Variants in MAOB observed in about 807,000 individuals in gnomAD.
MAOB encodes amine oxidase [flavin-containing] B.
Under a neutral mutation model 41.9 loss-of-function variants are expected in MAOB, and 15 were observed. The observed-to-expected ratio is 0.36, with a 90% CI of 0.24 to 0.55. The LOEUF (loss-of-function observed/expected upper bound fraction) is 0.55, where lower values mean the gene tolerates loss of function less well. Ranked by LOEUF, MAOB falls within the 20% of genes least tolerant of loss-of-function variation. The pLI, the probability that MAOB is intolerant of heterozygous loss-of-function variation, is 0.86. For missense variants in MAOB, 345 were observed against 398.7 expected (o/e 0.87, Z 1.15); for synonymous variants, 167 against 144.2 (o/e 1.16, Z -1.13).
intron 3 of MAOB, among the ~76,000 whole-genome samples, chrX:43,836,893 G>A (rs1247052778): frequency 8.9e-6 from 1 of 112,484 alleles, no homozygotes; most frequent in African/African-American, 3.2e-5. Context: ...TGCACATAGA[G>A]TAATGGAAAT....
intron 5 of MAOB, among the ~76,000 whole-genome samples, chrX:43,801,035 A>T (rs1340638161): frequency 1.8e-5 from 2 of 108,764 alleles, no homozygotes; most frequent in Non-Finnish European, 3.8e-5. Flanking sequence ...GGGCTTTCAG[A>T]TCCTCCCTTT....
chrX:43,841,474 C>A (rs1424569154), intron 2 of MAOB, among the ~76,000 whole-genome samples: 1 of 111,494 alleles, frequency 9.0e-6, no homozygotes, highest in Non-Finnish European at 1.9e-5. Flanking sequence ...TGTAAAATGT[C>A]CATACTACCC....
At chrX:43,805,443 C>T (rs1286591221) in intron 3 of MAOB, among the ~76,000 whole-genome samples, 1 of 111,716 alleles carries the variant, frequency 9.0e-6, no homozygotes, top group East Asian at 2.8e-4. Flanking sequence ...CTTTCCCCTT[C>T]CTAGACAATC....
intron 1 of MAOB, among the ~76,000 whole-genome samples, chrX:43,860,172 T>C (rs1324308451): frequency 8.9e-6 from 1 of 111,932 alleles, no homozygotes; most frequent in Non-Finnish European, 1.9e-5. Flanking sequence ...CCTCTAAACA[T>C]TGGAGAGTCC....
At chrX:43,775,133 T>C in intron 12 of MAOB, 42 bp downstream of exon 12, 1 of 1,103,105 alleles carries the variant, frequency 9.1e-7, no homozygotes, top group Non-Finnish European at 1.2e-6. Context: ...TGGATTCAGG[T>C]GCAGGGGATT....
At chrX:43,776,354 G>C (rs1374667279) in intron 11 of MAOB, among the ~76,000 whole-genome samples, 1 of 112,574 alleles carries the variant, frequency 8.9e-6, no homozygotes, top group African/African-American at 3.2e-5. Flanking sequence ...CTTAGGAAAA[G>C]AGACTTTCTC....
chrX:43,868,362 C>T lies in MAOB; in HGVS notation c.46+13892G>A, dbSNP rs148584198. Among the ~76,000 whole-genome samples, 1,522 of 111,704 alleles carry T rather than the reference C, an allele frequency of 0.014. 41 individuals are homozygous for T. In the South Asian group the frequency reaches 0.17, roughly 12 times the overall value. ...ATCTCAACCTCTTTGTATTTTTCCC[C>T]ATTTCTCAGACCTGTCCACTGGAAG... On this transcript the variant is annotated intron_variant, in intron 1 of 14. Transcript: ENST00000378069.
intron 8 of MAOB, among the ~76,000 whole-genome samples, chrX:43,786,087 T>C (rs747475393): frequency 9.0e-6 from 1 of 111,723 alleles, no homozygotes; most frequent in Non-Finnish European, 1.9e-5. Context: ...TAAAGTGCAA[T>C]AAAGTGAAGT....
chrX:43,803,286 C>T lies in MAOB; in HGVS notation c.384+14G>A, dbSNP rs745692587. ...TTACAAAAAAGAATACAAATATAGT[C>T]AAAGAAGCTTTACCTCTCGCCCCAT... On this transcript the variant is annotated intron_variant, in intron 4 of 14. Transcript: ENST00000378069. 7.1e-6 allele frequency: 8 copies of T among 1,120,432 alleles called. No individual in the cohort carries two copies. The Admixed American group carries it at 1.0e-4, about 15-fold the overall frequency. 92.3% of individuals were successfully genotyped at this position (1,120,432 alleles called of 1,213,427 possible).
chrX:43,782,580 C>T (rs1198545479), intron 8 of MAOB, among the ~76,000 whole-genome samples: 1 of 111,701 alleles, frequency 9.0e-6, no homozygotes, highest in Admixed American at 9.5e-5. Context: ...GAGCTGGTAC[C>T]ATTCATTCTG....
At chrX:43,818,756 G>A (rs2034847998) in intron 3 of MAOB, among the ~76,000 whole-genome samples, 1 of 112,229 alleles carries the variant, frequency 8.9e-6, no homozygotes, top group African/African-American at 3.2e-5. Flanking sequence ...TGGAAAAAGC[G>A]CAAGCTATGA....
At chrX:43,847,645 T>C (rs1362338557) in intron 1 of MAOB, among the ~76,000 whole-genome samples, 2 of 112,358 alleles carry the variant, frequency 1.8e-5, no homozygotes, top group African/African-American at 6.5e-5. Flanking sequence ...ACTCTACATA[T>C]ACACTGATTG....
intron 3 of MAOB, among the ~76,000 whole-genome samples, chrX:43,812,101 T>C (rs919253973): frequency 2.7e-5 from 3 of 112,297 alleles, no homozygotes. Flanking sequence ...GTGATGTTTG[T>C]CTTTCTGTGC....
chrX:43,879,585 C>T (rs868697209), intron 1 of MAOB, among the ~76,000 whole-genome samples: 3 of 111,778 alleles, frequency 2.7e-5, no homozygotes, highest in South Asian at 3.8e-4. Context: ...CCCAGAACCT[C>T]CAACTCTAGA....
chrX:43,859,938 T>G (rs1159380559), intron 1 of MAOB, among the ~76,000 whole-genome samples: 1 of 112,276 alleles, frequency 8.9e-6, no homozygotes, highest in Non-Finnish European at 1.9e-5. Flanking sequence ...ATCTCTACTA[T>G]TTCACTGAGA....
At chrX:43,809,413 G>C (rs190805178) in intron 3 of MAOB, among the ~76,000 whole-genome samples, 6 of 112,548 alleles carry the variant, frequency 5.3e-5, no homozygotes, top group East Asian at 5.6e-4. Flanking sequence ...CTATCATGAA[G>C]CAGAATAAAA....
At chrX:43,782,220 C>CA (rs1341685362) in intron 8 of MAOB, among the ~76,000 whole-genome samples, 2 of 109,463 alleles carry the variant, frequency 1.8e-5, no homozygotes, top group Non-Finnish European at 3.8e-5. Context: ...TTGAAAAGAT[C>CA]AAAAAAATAG....
chrX:43,783,305 C>T (rs899495860), intron 8 of MAOB, among the ~76,000 whole-genome samples: 3 of 111,939 alleles, frequency 2.7e-5, no homozygotes, highest in Non-Finnish European at 5.6e-5. Context: ...TCATTTCAAA[C>T]ATGACCTCCA....
At chrX:43,845,471 C>T (rs1214711218) in intron 1 of MAOB, among the ~76,000 whole-genome samples, 2 of 112,124 alleles carry the variant, frequency 1.8e-5, no homozygotes, top group African/African-American at 3.2e-5. Context: ...TTCTACGACC[C>T]CATGAGATAA....
Sources: gnomAD v4.1 joint callset for allele counts (sites outside exome capture counted in the v4.1 genomes callset) on GRCh38, gnomAD v4.1.1 for gene constraint, MANE v1.5 for transcripts, NCBI Gene and HGNC (gene_info 2026-07-23, HGNC 2026-07-21) for gene names.